MTX2: variants seen among roughly 807,000 people sequenced by gnomAD.
MTX2 encodes the protein metaxin 2.
MTX2 carries 35 observed loss-of-function variants against 42.3 expected under a neutral mutation model. That is an observed-to-expected ratio of 0.83 (90% CI 0.63 to 1.10). The LOEUF is 1.10. Ranked by LOEUF, MTX2 falls within the 50% of genes least tolerant of loss-of-function variation. The probability of loss-of-function intolerance (pLI) is 0.00; values close to 1 mark genes in which losing one functional copy is unlikely to be tolerated. For missense variants in MTX2, 307 were observed against 304.1 expected, an observed-to-expected ratio of 1.01 and a Z score of -0.07; for synonymous variants, 119 against 100.9, an observed-to-expected ratio of 1.18 and a Z score of -1.08.
At chr2:176,310,761 G>A (rs1040829752) in intron 3 of MTX2, among the ~76,000 whole-genome samples, 1 of 152,136 alleles carries the variant, frequency 6.6e-6, no homozygotes, top group African/African-American at 2.4e-5. Context: ...GTCATTTAAG[G>A]TCTTCTCTAC....
chr2:176,326,986 A>C, intron 5 of MTX2, 85 bp downstream of exon 5: 1 of 761,082 alleles, frequency 1.3e-6, no homozygotes. Flanking sequence ...CATTGATTTC[A>C]ACCTAGTTTT....
chr2:176,300,998 A>G (rs1428042890), intron 3 of MTX2, among the ~76,000 whole-genome samples: 1 of 152,126 alleles, frequency 6.6e-6, no homozygotes, highest in Non-Finnish European at 1.5e-5. Flanking sequence ...GTACCTGAAA[A>G]CACTAGAGTA....
chr2:176,325,816 T>C (rs974666225), intron 4 of MTX2, among the ~76,000 whole-genome samples: 2 of 151,910 alleles, frequency 1.3e-5, no homozygotes, highest in African/African-American at 4.8e-5. Flanking sequence ...GAATGCAGAA[T>C]TGGCAACAGG....
At chr2:176,272,482 A>G (rs1275688588) in intron 1 of MTX2, among the ~76,000 whole-genome samples, 1 of 152,156 alleles carries the variant, frequency 6.6e-6, no homozygotes, top group South Asian at 2.1e-4. Context: ...TATTCTTTCT[A>G]TTCTTTGATT....
intron 1 of MTX2, among the ~76,000 whole-genome samples, chr2:176,274,630 G>C (rs1410775025): frequency 6.6e-6 from 1 of 152,148 alleles, no homozygotes; most frequent in East Asian, 1.9e-4. Context: ...GGCAAAGTAA[G>C]TGCAAAGCAT....
intron 1 of MTX2, among the ~76,000 whole-genome samples, chr2:176,282,103 A>G (rs934460012): frequency 3.8e-5 from 3 of 78,352 alleles, no homozygotes; most frequent in Non-Finnish European, 7.7e-5. Context: ...TGGTTCAATG[A>G]TATTATTTTT....
At chr2:176,276,039 A>G (rs185550243) in intron 1 of MTX2, among the ~76,000 whole-genome samples, 1 of 152,256 alleles carries the variant, frequency 6.6e-6, no homozygotes, top group Non-Finnish European at 1.5e-5. Flanking sequence ...CTGCCTTTTT[A>G]AGCCTGAGAT....
chr2:176,311,012 G>C (rs1433535252), intron 3 of MTX2, among the ~76,000 whole-genome samples: 1 of 152,140 alleles, frequency 6.6e-6, no homozygotes, highest in Admixed American at 6.5e-5. Context: ...TTTCTGCTCT[G>C]GTTTCTCCCC....
chr2:176,277,464 A>G (rs926454712), intron 1 of MTX2, among the ~76,000 whole-genome samples: 1 of 152,142 alleles, frequency 6.6e-6, no homozygotes, highest in African/African-American at 2.4e-5. Context: ...GTGCAGTGGT[A>G]CAATCTTGGC....
At chr2:176,277,728 G>T (rs1692981538) in intron 1 of MTX2, among the ~76,000 whole-genome samples, 1 of 152,022 alleles carries the variant, frequency 6.6e-6, no homozygotes, top group Admixed American at 6.6e-5. Context: ...TGAAAATAAA[G>T]ATATTTTGTT....
At chr2:176,314,340 G>C (rs1380634409) in intron 3 of MTX2, among the ~76,000 whole-genome samples, 1 of 151,966 alleles carries the variant, frequency 6.6e-6, no homozygotes, top group Non-Finnish European at 1.5e-5. Context: ...GGGAGGCTGA[G>C]GCATGAGAAT....
intron 9 of MTX2, among the ~76,000 whole-genome samples, chr2:176,332,881 T>G (rs1684894677): frequency 6.6e-6 from 1 of 151,266 alleles, no homozygotes; most frequent in Admixed American, 6.6e-5. Context: ...GAAATAAATG[T>G]GAAATAATGA....
At chr2:176,310,814 G>T (rs924379046) in intron 3 of MTX2, among the ~76,000 whole-genome samples, 4 of 152,020 alleles carry the variant, frequency 2.6e-5, no homozygotes, top group Non-Finnish European at 4.4e-5. Flanking sequence ...TTTTTTCAAG[G>T]TTTTTAGCTT....
chr2:176,307,697 C>G (rs1446057379), intron 3 of MTX2, among the ~76,000 whole-genome samples: 1 of 152,086 alleles, frequency 6.6e-6, no homozygotes, highest in Non-Finnish European at 1.5e-5. Flanking sequence ...TGATTTGGCT[C>G]TGTTTGTCTG....
chr2:176,294,099 AAT>A (rs1177177610), intron 1 of MTX2, among the ~76,000 whole-genome samples: 1 of 152,148 alleles, frequency 6.6e-6, no homozygotes, highest in Non-Finnish European at 1.5e-5. Flanking sequence ...GATTGAGTGA[AAT>A]ATTCACCCTT....
intron 3 of MTX2, among the ~76,000 whole-genome samples, chr2:176,315,126 T>TA: frequency 6.6e-6 from 1 of 152,288 alleles, no homozygotes; most frequent in South Asian, 2.1e-4. Context: ...CACATGGCCG[T>TA]ACTCTTAGCA....
chr2:176,278,626 T>A (rs1693005642), intron 1 of MTX2, among the ~76,000 whole-genome samples: 1 of 152,216 alleles, frequency 6.6e-6, no homozygotes, highest in Admixed American at 6.5e-5. Flanking sequence ...CTTGCCATAT[T>A]TTGGTGAAAA....
intron 9 of MTX2, among the ~76,000 whole-genome samples, chr2:176,334,267 G>A (rs1395984144): frequency 6.6e-6 from 1 of 151,838 alleles, no homozygotes; most frequent in African/African-American, 2.4e-5. Context: ...ACTGGAAGTT[G>A]CATCAGAGAA....
At chr2:176,296,066 T>A (rs951606060) in intron 1 of MTX2, among the ~76,000 whole-genome samples, 2 of 152,196 alleles carry the variant, frequency 1.3e-5, no homozygotes, top group African/African-American at 4.8e-5. Context: ...TTAAGTGCAG[T>A]TGATTAGACA....
Sources: gnomAD v4.1 joint callset for allele counts (sites outside exome capture counted in the v4.1 genomes callset) on GRCh38, gnomAD v4.1.1 for gene constraint, MANE v1.5 for transcripts, NCBI Gene and HGNC (gene_info 2026-07-23, HGNC 2026-07-21) for gene names.